UBAC2: variants seen among roughly 807,000 people sequenced by gnomAD.
UBAC2 encodes UBA domain containing 2.
UBAC2 carries 26 observed loss-of-function variants against 44.0 expected under a neutral mutation model. That is an observed-to-expected ratio of 0.59 (90% CI 0.43 to 0.82). The LOEUF is 0.82. Among genes scored for constraint, UBAC2 ranks in the 40% least tolerant of loss-of-function variants. The pLI, the probability that UBAC2 is intolerant of heterozygous loss-of-function variation, is 0.00. For missense variants in UBAC2, 329 were observed against 419.4 expected, an observed-to-expected ratio of 0.78 and a Z score of 1.88; for synonymous variants, 155 against 154.3, an observed-to-expected ratio of 1.00 and a Z score of -0.04.
chr13:99,342,867 G>T (rs958945166), intron 7 of UBAC2, among the ~76,000 whole-genome samples: 9 of 152,316 alleles, frequency 5.9e-5, no homozygotes, highest in South Asian at 2.1e-4. Flanking sequence ...TGCTGCCCAG[G>T]CTCTGCCCAT....
rs773515717 is a variant in UBAC2, at chr13:99,238,434, G to A, written c.39G>A (p.Ala13=). ...TSTGSSGLYK[A]PLSKSLLLVP... is the part of the protein sequence containing the mutation. ...TTTCCTTTTTCCCTCCAGACAAGGC[G>A]CCTCTGTCGAAGAGCCTTCTGCTGG... is the stretch of plus-strand genomic sequence containing the variant. Residue 13 remains alanine (A), a synonymous_variant, in exon 2 of 9, where the codon GCG becomes GCA. Transcript: ENST00000403766. 2.5e-5 allele frequency: 40 copies of A among 1,612,978 alleles called. No individual in the cohort carries two copies. Among genetic ancestry groups the A allele is most frequent in the African/African-American group, 1.6e-4 (12 of 74,848 alleles).
intron 6 of UBAC2, among the ~76,000 whole-genome samples, chr13:99,338,061 T>TTTTTTTTTTC (rs2044824681): frequency 2.0e-5 from 2 of 98,470 alleles, no homozygotes; most frequent in Non-Finnish European, 4.5e-5. Flanking sequence ...TTTTTTTTTT[T>TTTTTTTTTTC]TTTTTTTTTT....
chr13:99,240,732 A>G (rs1442685031), intron 2 of UBAC2, among the ~76,000 whole-genome samples: 7 of 152,170 alleles, frequency 4.6e-5, no homozygotes, highest in East Asian at 3.9e-4. Flanking sequence ...TATGGCCTCA[A>G]CACAGCCTTA....
At chr13:99,201,448 GACAA>G (rs769271390) in intron 1 of UBAC2, 3 of 1,614,030 alleles carry the variant, frequency 1.9e-6, no homozygotes, top group Admixed American at 1.7e-5. Context: ...AGAGTTTTTA[GACAA>G]ACACACACTG....
At chr13:99,242,908 C>G (rs1255513456) in intron 2 of UBAC2, among the ~76,000 whole-genome samples, 1 of 146,690 alleles carries the variant, frequency 6.8e-6, no homozygotes, top group South Asian at 2.2e-4. Context: ...ACATCTCAGA[C>G]GATGGGCGGC....
chr13:99,318,093 C>T, intron 6 of UBAC2, 24 bp downstream of exon 6: 1 of 1,597,062 alleles, frequency 6.3e-7, no homozygotes, highest in Non-Finnish European at 8.6e-7. Context: ...CCCTTTTACA[C>T]CCAATTCTCT....
At chr13:99,288,256 C>T (rs2044045795) in intron 4 of UBAC2, among the ~76,000 whole-genome samples, 1 of 152,136 alleles carries the variant, frequency 6.6e-6, no homozygotes, top group Non-Finnish European at 1.5e-5. Flanking sequence ...AAAAGCCAAT[C>T]AGAAAAGCAC....
At chr13:99,214,132 A>G (rs1054794974) in intron 1 of UBAC2, among the ~76,000 whole-genome samples, 25 of 151,404 alleles carry the variant, frequency 1.7e-4, no homozygotes, top group African/African-American at 6.1e-4. Flanking sequence ...TTGTGTATTT[A>G]TTGTAGAGCC....
At chr13:99,359,762 G>C (rs1177285535) in intron 7 of UBAC2, among the ~76,000 whole-genome samples, 1 of 152,228 alleles carries the variant, frequency 6.6e-6, no homozygotes, top group Non-Finnish European at 1.5e-5. Flanking sequence ...GTAAGTCCTT[G>C]TGTGGGCCCT....
chr13:99,268,428 A>G (rs891892959), intron 4 of UBAC2, among the ~76,000 whole-genome samples: 1 of 151,932 alleles, frequency 6.6e-6, no homozygotes, highest in African/African-American at 2.4e-5. Flanking sequence ...GCAACATAGC[A>G]AAACCTTGTG....
intron 7 of UBAC2, among the ~76,000 whole-genome samples, chr13:99,352,322 C>T (rs1400951953): frequency 1.3e-5 from 2 of 152,168 alleles, no homozygotes; most frequent in Non-Finnish European, 2.9e-5. Context: ...GAAACTGCGC[C>T]CCATTAGCAG....
rs1367302629 is a variant in UBAC2 at position 99,232,399 on chromosome 13, G to GAGATAGATATATATATATATATATATAT, written c.32-6027_32-6026insGATAGATATATATATATATATATATATA. 4.7e-3 allele frequency among the ~76,000 whole-genome samples: 516 copies of GAGATAGATATATATATATATATATATAT among 109,838 alleles called. 13 individuals are homozygous for GAGATAGATATATATATATATATATATAT. The highest frequency in any genetic ancestry group is 7.8e-3 in the Non-Finnish European group (368 of 47,174). The allele number at this position is 109,838 out of a possible 152,430, so 72.1% of individuals were successfully genotyped here. A position where few individuals can be genotyped will look rare whatever the true frequency, so the allele number is the denominator to read the frequency against. ...AGACCCTGTCCATCCTTAGTTGAGA[G>GAGATAGATATATATATATATATATATAT]ATATAGATATATATATATATATTCA... On this transcript the variant is annotated intron_variant, in intron 1 of 8. Transcript: ENST00000403766.
chr13:99,263,667 G>A (rs908073108), intron 4 of UBAC2, among the ~76,000 whole-genome samples: 3 of 152,172 alleles, frequency 2.0e-5, no homozygotes, highest in Admixed American at 2.0e-4. Context: ...CACATGCTGC[G>A]TACCAGGAGA....
Position 99,324,284 on chromosome 13 carries a change from C to CA in UBAC2, c.561+6216dup, listed in dbSNP as rs147812053. On this transcript the variant is annotated intron_variant, in intron 6 of 8. Coordinates refer to ENST00000403766, the MANE Select transcript of UBAC2 (RefSeq NM_001144072.2). The stretch of plus-strand genomic sequence containing the variant: ...ATAGGGCCTCTGCATGCCCTGTTGA[C>CA]ATCAGGTTTTGTTGTTTGACTTACA... Among the ~76,000 whole-genome samples, 464 of 152,280 alleles carry CA rather than the reference C, an allele frequency of 3.0e-3. 30 individuals are homozygous for CA. In the East Asian group the frequency reaches 0.082, roughly 27 times the overall value.
At chr13:99,285,427 C>T (rs535462334) in intron 4 of UBAC2, among the ~76,000 whole-genome samples, 2 of 149,862 alleles carry the variant, frequency 1.3e-5, no homozygotes, top group African/African-American at 4.9e-5. Flanking sequence ...TTGTCTTGCT[C>T]TGTCACCCAG....
intron 8 of UBAC2, among the ~76,000 whole-genome samples, chr13:99,379,164 C>T (rs915477159): frequency 1.3e-5 from 2 of 152,224 alleles, no homozygotes; most frequent in Non-Finnish European, 2.9e-5. Flanking sequence ...ACAGCAAGGA[C>T]ACAAACTTTT....
At chr13:99,356,295 A>G in intron 7 of UBAC2, 1 of 478,066 alleles carries the variant, frequency 2.1e-6, no homozygotes, top group Non-Finnish European at 4.6e-6. Flanking sequence ...TAGCCCCTGC[A>G]TGGAATGCAC....
chr13:99,356,551 A>G (rs2045186572), intron 7 of UBAC2, among the ~76,000 whole-genome samples: 1 of 152,272 alleles, frequency 6.6e-6, no homozygotes, highest in Non-Finnish European at 1.5e-5. Context: ...GTGAGAAACC[A>G]CAAAGGAAAA....
At chr13:99,286,102 C>G (rs1381594024) in intron 4 of UBAC2, among the ~76,000 whole-genome samples, 1 of 152,222 alleles carries the variant, frequency 6.6e-6, no homozygotes, top group Non-Finnish European at 1.5e-5. Flanking sequence ...GGCGCTGGAT[C>G]TGGCCTTCTA....
Sources: gnomAD v4.1 joint callset for allele counts (sites outside exome capture counted in the v4.1 genomes callset) on GRCh38, gnomAD v4.1.1 for gene constraint, MANE v1.5 for transcripts, NCBI Gene and HGNC (gene_info 2026-07-23, HGNC 2026-07-21) for gene names.